The following GBE1 variants were observed in gnomAD, a reference collection of about 807,000 sequenced individuals.
The protein encoded by GBE1 is 1,4-alpha-glucan branching enzyme 1.
Under a neutral mutation model 88.8 loss-of-function variants are expected in GBE1, and 70 were observed. The ratio of observed to expected loss-of-function variants is 0.79; its 90% CI spans 0.65 to 0.96. The LOEUF (loss-of-function observed/expected upper bound fraction) is 0.96, where lower values mean the gene tolerates loss of function less well. GBE1 is among the 40% of genes least tolerant of loss of function. The pLI, the probability that GBE1 is intolerant of heterozygous loss-of-function variation, is 0.00. For missense variants in GBE1, 872 were observed against 871.0 expected (o/e 1.00, Z -0.01); for synonymous variants, 284 against 300.1 (o/e 0.95, Z 0.56).
intron 2 of GBE1, among the ~76,000 whole-genome samples, chr3:81,691,887 G>C (rs797010584): frequency 8.5e-5 from 13 of 152,206 alleles, no homozygotes; most frequent in African/African-American, 3.1e-4. Flanking sequence ...CAATAAAAGA[G>C]AAAACCCCAC....
intron 12 of GBE1, among the ~76,000 whole-genome samples, chr3:81,545,279 G>T (rs916838987): frequency 4.6e-5 from 7 of 151,994 alleles, no homozygotes; most frequent in African/African-American, 1.4e-4. Flanking sequence ...ATACTAATCA[G>T]TGTGGTTATG....
Position 81,577,942 on chromosome 3 carries a change from CCTT to C in GBE1, c.1598_1600del (p.Glu533del). On this transcript the variant is annotated inframe_deletion, in exon 12 of 16. Transcript: ENST00000429644. Reference sequence around the variant, plus strand: ...ACACTTACCCATGAAATTGAGATAGCCTTCTCCACCAAGCCCATGCGTAATGAG... The same window carrying C: ...ACACTTACCCATGAAATTGAGATAGCCTCCACCAAGCCCATGCGTAATGAG... The C allele has an allele frequency of 6.3e-7, 1 of 1,595,158 alleles. No homozygotes were observed. Among genetic ancestry groups the C allele is most frequent in the East Asian group, 2.3e-5 (1 of 43,790 alleles).
intron 15 of GBE1, among the ~76,000 whole-genome samples, chr3:81,494,985 G>C (rs12633695): frequency 0.11 from 17,016 of 152,110 alleles, 1,321 homozygotes; most frequent in East Asian, 0.37. Flanking sequence ...AAAAAGAAAA[G>C]TTTAAAATGA....
chr3:81,725,197 G>A (rs1276811807), intron 1 of GBE1, among the ~76,000 whole-genome samples: 1 of 152,048 alleles, frequency 6.6e-6, no homozygotes, highest in East Asian at 1.9e-4. Flanking sequence ...TTAGCTTACA[G>A]TAACTTTTCT....
At chr3:81,723,295 G>T (rs1328973857) in intron 1 of GBE1, among the ~76,000 whole-genome samples, 1 of 147,204 alleles carries the variant, frequency 6.8e-6, no homozygotes, top group East Asian at 2.0e-4. Flanking sequence ...TAGAGAGGGG[G>T]TTTCACCATG....
chr3:81,750,576 C>CGTATATAT lies in GBE1; in HGVS notation c.143+10791_143+10798dup, dbSNP rs1559708493. Among the ~76,000 whole-genome samples, 14 of 46,052 alleles carry CGTATATAT rather than the reference C, an allele frequency of 3.0e-4. 1 individual carries two copies. Among genetic ancestry groups the CGTATATAT allele is most frequent in the African/African-American group, 5.9e-4 (5 of 8,490 alleles). 30.2% of individuals were successfully genotyped at this position (46,052 alleles called of 152,430 possible). On this transcript the variant is annotated intron_variant, in intron 1 of 15. Coordinates refer to ENST00000429644, the MANE Select transcript of GBE1 (RefSeq NM_000158.4). ...GTATATATATATGTATATATATATA[C>CGTATATAT]GTATATATATACGTATATATATATG...
At chr3:81,507,186 TA>T (rs1432325396) in intron 14 of GBE1, among the ~76,000 whole-genome samples, 1 of 152,102 alleles carries the variant, frequency 6.6e-6, no homozygotes, top group Non-Finnish European at 1.5e-5. Flanking sequence ...GTTTTTTTTT[TA>T]ATCTCCCTGA....
chr3:81,714,106 C>G (rs1297665483), intron 1 of GBE1, among the ~76,000 whole-genome samples: 1 of 152,122 alleles, frequency 6.6e-6, no homozygotes, highest in African/African-American at 2.4e-5. Flanking sequence ...TTGAACTAAA[C>G]TAAATGGTAT....
At chr3:81,685,666 G>A (rs1383183314) in intron 2 of GBE1, among the ~76,000 whole-genome samples, 1 of 152,152 alleles carries the variant, frequency 6.6e-6, no homozygotes, top group Non-Finnish European at 1.5e-5. Flanking sequence ...ACAAGCGTGA[G>A]CCATTGCGCT....
At chr3:81,616,425 C>T (rs1002437528) in intron 7 of GBE1, among the ~76,000 whole-genome samples, 2 of 152,004 alleles carry the variant, frequency 1.3e-5, no homozygotes, top group African/African-American at 4.8e-5. Flanking sequence ...TATGGATGTC[C>T]AACAGCTCTC....
chr3:81,570,796 T>G (rs568343738), intron 12 of GBE1, among the ~76,000 whole-genome samples: 2 of 152,144 alleles, frequency 1.3e-5, no homozygotes, highest in Admixed American at 6.5e-5. Flanking sequence ...AGTTCTTAAT[T>G]CTCTTAATTC....
chr3:81,616,981 A>G (rs1345362070), intron 7 of GBE1, among the ~76,000 whole-genome samples: 2 of 151,920 alleles, frequency 1.3e-5, no homozygotes, highest in Non-Finnish European at 2.9e-5. Context: ...GGAAAGAGAG[A>G]AGGAGGGAGA....
chr3:81,669,018 C>T (rs1705152868), intron 3 of GBE1, among the ~76,000 whole-genome samples: 1 of 152,172 alleles, frequency 6.6e-6, no homozygotes, highest in Non-Finnish European at 1.5e-5. Flanking sequence ...AGATACTCAA[C>T]ACATATTTGT....
chr3:81,660,427 G>C (rs988300621), intron 3 of GBE1, among the ~76,000 whole-genome samples: 1 of 152,108 alleles, frequency 6.6e-6, no homozygotes, highest in Admixed American at 6.5e-5. Context: ...CTTTGAGCTT[G>C]ATCTCTAAAT....
intron 1 of GBE1, among the ~76,000 whole-genome samples, chr3:81,750,008 A>G (rs142412350): frequency 4.3e-4 from 66 of 152,286 alleles, no homozygotes; most frequent in African/African-American, 1.5e-3. Flanking sequence ...TTTTTAATTA[A>G]AGGCACTTTG....
At chr3:81,612,726 T>C in intron 7 of GBE1, 1 of 475,718 alleles carries the variant, frequency 2.1e-6, no homozygotes, top group South Asian at 1.7e-5. Context: ...TTACTGTTCT[T>C]CTTGTCCCTT....
chr3:81,711,624 T>C (rs898478226), intron 1 of GBE1, among the ~76,000 whole-genome samples: 16 of 152,138 alleles, frequency 1.1e-4, no homozygotes, highest in African/African-American at 3.1e-4. Flanking sequence ...TGAAACTGGA[T>C]CCCTTCCTTA....
intron 2 of GBE1, among the ~76,000 whole-genome samples, chr3:81,703,996 C>T (rs1330358882): frequency 6.6e-6 from 1 of 151,804 alleles, no homozygotes; most frequent in African/African-American, 2.4e-5. Flanking sequence ...AACAAGTTCC[C>T]CATTGACACC....
chr3:81,633,477 A>C (rs1704546980), intron 7 of GBE1, among the ~76,000 whole-genome samples: 1 of 152,182 alleles, frequency 6.6e-6, no homozygotes, highest in Non-Finnish European at 1.5e-5. Context: ...CTATATTTAT[A>C]TTTTAAAAAC....
Sources: gnomAD v4.1 joint callset for allele counts (sites outside exome capture counted in the v4.1 genomes callset) on GRCh38, gnomAD v4.1.1 for gene constraint, MANE v1.5 for transcripts, NCBI Gene and HGNC (gene_info 2026-07-23, HGNC 2026-07-21) for gene names.